MED27: variants seen among roughly 807,000 people sequenced by gnomAD.
The protein encoded by MED27 is mediator of RNA polymerase II transcription subunit 27.
A neutral mutation model predicts 38.2 loss-of-function variants in MED27; 30 were observed. The observed-to-expected ratio is 0.79, with a 90% CI of 0.59 to 1.07. MED27 has a LOEUF of 1.07. Among genes scored for constraint, MED27 ranks in the 50% least tolerant of loss-of-function variants. The pLI is 0.00. For synonymous variants in MED27, 122 were observed against 153.5 expected, an observed-to-expected ratio of 0.79 and a Z score of 1.52; for missense variants, 289 against 397.5, an observed-to-expected ratio of 0.73 and a Z score of 2.32.
intron 2 of MED27, among the ~76,000 whole-genome samples, chr9:132,014,698 A>T (rs538550807): frequency 6.6e-6 from 1 of 151,518 alleles, no homozygotes; most frequent in South Asian, 2.1e-4. Context: ...CCTCATGATG[A>T]AAAACTGGAA....
chr9:131,894,993 C>T (rs1249108525), intron 4 of MED27, among the ~76,000 whole-genome samples: 1 of 152,142 alleles, frequency 6.6e-6, no homozygotes, highest in East Asian at 1.9e-4. Flanking sequence ...GTCTGCCTCC[C>T]CTTAGACCTT....
chr9:131,905,518 A>G (rs970368469), intron 4 of MED27, among the ~76,000 whole-genome samples: 1 of 152,062 alleles, frequency 6.6e-6, no homozygotes, highest in Non-Finnish European at 1.5e-5. Context: ...TCTGCCTCAT[A>G]CTGCTTAGGC....
chr9:132,062,784 G>A lies in MED27; in HGVS notation c.348+14658C>T, dbSNP rs7848131. ...GGATTATCACATACCACCACACTTG[G>A]CAGATATTTTCATTTTTTTGTAGAG... On this transcript the variant is annotated intron_variant, in intron 2 of 7. Transcript: ENST00000292035. Among the ~76,000 whole-genome samples, 766 of 152,046 alleles carry A rather than the reference G, an allele frequency of 5.0e-3. 12 individuals are homozygous for A. Among genetic ancestry groups the A allele is most frequent in the African/African-American group, 0.017 (708 of 41,468 alleles).
intron 3 of MED27, among the ~76,000 whole-genome samples, chr9:131,978,186 G>A (rs886840919): frequency 3.9e-5 from 6 of 152,148 alleles, no homozygotes; most frequent in African/African-American, 1.2e-4. Context: ...CGAAACCAAG[G>A]AGATGAAGTC....
chr9:131,902,832 C>A (rs1829976560), intron 4 of MED27, among the ~76,000 whole-genome samples: 1 of 152,234 alleles, frequency 6.6e-6, no homozygotes, highest in Admixed American at 6.5e-5. Flanking sequence ...AATTTAGGGT[C>A]TGTTTGCCAA....
At chr9:131,995,424 T>G (rs747319080) in intron 3 of MED27, among the ~76,000 whole-genome samples, 2 of 151,970 alleles carry the variant, frequency 1.3e-5, no homozygotes, top group African/African-American at 4.8e-5. Context: ...CATCTACCAA[T>G]GACAGAGACC....
intron 3 of MED27, among the ~76,000 whole-genome samples, chr9:132,011,949 C>CTT (rs55947789): frequency 4.3e-5 from 6 of 138,564 alleles, no homozygotes; most frequent in East Asian, 2.1e-4. Context: ...ACCTCTCGCT[C>CTT]TTTTTTTTTT....
chr9:131,920,177 C>G (rs1233769353), intron 4 of MED27, among the ~76,000 whole-genome samples: 1 of 152,142 alleles, frequency 6.6e-6, no homozygotes, highest in African/African-American at 2.4e-5. Flanking sequence ...AGTAAAGAAA[C>G]TAATGATCTT....
At chr9:131,879,341 G>C (rs994509098) in intron 6 of MED27, among the ~76,000 whole-genome samples, 6 of 152,202 alleles carry the variant, frequency 3.9e-5, no homozygotes, top group Non-Finnish European at 7.3e-5. Flanking sequence ...CCTGCTTTCC[G>C]AGTTCTGCTT....
At chr9:131,949,053 C>T (rs995030047) in intron 3 of MED27, among the ~76,000 whole-genome samples, 3 of 152,246 alleles carry the variant, frequency 2.0e-5, no homozygotes, top group Non-Finnish European at 2.9e-5. Flanking sequence ...TTCATGGGTA[C>T]GTCATGAACT....
At chr9:132,079,558 C>A in intron 1 of MED27, 84 bp downstream of exon 1, 2 of 1,289,312 alleles carry the variant, frequency 1.6e-6, no homozygotes, top group Admixed American at 3.6e-5. Flanking sequence ...GAGAACAGCC[C>A]CTGCCTGGGA....
chr9:131,952,039 G>T (rs1458692954), intron 3 of MED27, among the ~76,000 whole-genome samples: 4 of 152,200 alleles, frequency 2.6e-5, no homozygotes, highest in African/African-American at 7.2e-5. Flanking sequence ...CTGGCTTCTA[G>T]AACAGGGACT....
chr9:131,905,118 C>T (rs1044692878), intron 4 of MED27, among the ~76,000 whole-genome samples: 9 of 152,114 alleles, frequency 5.9e-5, no homozygotes, highest in Non-Finnish European at 8.8e-5. Flanking sequence ...ATTTATAAAA[C>T]GTATATTCAA....
intron 2 of MED27, among the ~76,000 whole-genome samples, chr9:132,050,393 C>T (rs1309365055): frequency 1.3e-5 from 2 of 152,154 alleles, no homozygotes; most frequent in African/African-American, 2.4e-5. Context: ...CGCTTGTCCA[C>T]GGGATCACCA....
At chr9:132,017,544 AG>A (rs1330359317) in intron 2 of MED27, among the ~76,000 whole-genome samples, 1 of 152,178 alleles carries the variant, frequency 6.6e-6, no homozygotes, top group Non-Finnish European at 1.5e-5. Flanking sequence ...TAAAAATGAA[AG>A]AAGGAGAGAA....
At chr9:132,047,090 A>C (rs1833356656) in intron 2 of MED27, among the ~76,000 whole-genome samples, 1 of 152,148 alleles carries the variant, frequency 6.6e-6, no homozygotes, top group Non-Finnish European at 1.5e-5. Flanking sequence ...AATCTTAAAG[A>C]TATGTATGTA....
At chr9:132,017,459 G>A (rs1158470476) in intron 2 of MED27, among the ~76,000 whole-genome samples, 2 of 152,158 alleles carry the variant, frequency 1.3e-5, no homozygotes, top group Non-Finnish European at 2.9e-5. Context: ...ATGGAAACAA[G>A]TCTATTTCAA....
intron 2 of MED27, among the ~76,000 whole-genome samples, chr9:132,023,211 A>C (rs979575778): frequency 7.0e-6 from 1 of 143,566 alleles, no homozygotes; most frequent in Non-Finnish European, 1.5e-5. Context: ...TTTCCCCCCC[A>C]AAAGAAAACA....
intron 3 of MED27, among the ~76,000 whole-genome samples, chr9:131,960,657 G>C (rs1831195994): frequency 6.6e-6 from 1 of 152,214 alleles, no homozygotes; most frequent in Admixed American, 6.5e-5. Flanking sequence ...AAAAACACGT[G>C]TAGTACCAAC....
Sources: allele counts gnomAD v4.1 joint callset (sites outside exome capture counted in the v4.1 genomes callset), GRCh38; gene constraint gnomAD v4.1.1; transcripts MANE v1.5; gene names NCBI Gene and HGNC (gene_info 2026-07-23, HGNC 2026-07-21).